TSPAN17: variants seen among roughly 807,000 people sequenced by gnomAD.
TSPAN17 encodes tetraspanin 17.
In TSPAN17, 33 loss-of-function variants were observed where a neutral mutation model predicts 40.5. The ratio of observed to expected loss-of-function variants is 0.81; its 90% CI spans 0.62 to 1.09. The LOEUF (loss-of-function observed/expected upper bound fraction) is 1.09. Ranked by LOEUF, TSPAN17 falls within the 50% of genes least tolerant of loss-of-function variation. The pLI, the probability that TSPAN17 is intolerant of heterozygous loss-of-function variation, is 0.00. For synonymous variants in TSPAN17, 166 were observed against 169.4 expected, an observed-to-expected ratio of 0.98 and a Z score of 0.15; for missense variants, 365 against 416.8, an observed-to-expected ratio of 0.88 and a Z score of 1.08.
chr5:176,652,519 C>G (rs1761008439), intron 3 of TSPAN17, among the ~76,000 whole-genome samples: 1 of 152,166 alleles, frequency 6.6e-6, no homozygotes, highest in Non-Finnish European at 1.5e-5. Context: ...TTTTCAGAGA[C>G]AGCAGGGTGT....
intron 5 of TSPAN17, among the ~76,000 whole-genome samples, 170 bp downstream of exon 5, chr5:176,655,190 GT>G (rs554009071): frequency 4.5e-4 from 69 of 152,320 alleles, no homozygotes; most frequent in Admixed American, 7.8e-4. Flanking sequence ...TGCTTTCCCT[GT>G]TCAGCAAGAC....
Position 176,651,988 on chromosome 5 carries a change from T to C in TSPAN17, c.285+88T>C. On this transcript the variant is annotated intron_variant, in intron 3 of 8. Transcript: ENST00000508164. This position sits in a 1 kb window ranked among gnomAD's most constrained non-coding sequence, Gnocchi z 4.5. ...CAGTTGGAGCTTAATGATGGGTAGC[T>C]TTATTATTATGCTATAATCGTCATC... 1 of 1,505,548 alleles carries C rather than the reference T, an allele frequency of 6.6e-7. No individual in the cohort carries two copies. Among genetic ancestry groups the C allele is most frequent in the South Asian group, 1.2e-5 (1 of 83,478 alleles). The allele number at this position is 1,505,548 out of a possible 1,614,324, so 93.3% of individuals were successfully genotyped here. A position where few individuals can be genotyped will look rare whatever the true frequency, so the allele number is the denominator to read the frequency against.
rs1326530603 is a variant in TSPAN17, at chr5:176,650,826, C to CGCCCAGGGACCT, written c.88-781_88-770dup. Among the ~76,000 whole-genome samples the CGCCCAGGGACCT allele has an allele frequency of 6.6e-6, 1 of 152,156 alleles. No individual in the cohort carries two copies. Among genetic ancestry groups the CGCCCAGGGACCT allele is most frequent in the African/African-American group, 2.4e-5 (1 of 41,450 alleles). ...CAGCCTTTCCCCCTCTGAGACTGCA[C>CGCCCAGGGACCT]GCCCAGGGACCTGCCCAGGGTCAGG... On this transcript the variant is annotated intron_variant, in intron 1 of 8. Coordinates refer to ENST00000508164, the MANE Select transcript of TSPAN17 (RefSeq NM_130465.5). This position sits in a 1 kb window ranked among gnomAD's most constrained non-coding sequence, Gnocchi z 4.0.
intron 3 of TSPAN17, among the ~76,000 whole-genome samples, chr5:176,652,219 C>A (rs1294798611): frequency 6.6e-6 from 1 of 152,224 alleles, no homozygotes; most frequent in Non-Finnish European, 1.5e-5. Context: ...CCCCGTTTGG[C>A]TCCATTCCCA....
rs1760989667 is a variant in TSPAN17 at position 176,652,039 on chromosome 5, C to T, written c.285+139C>T. The T allele has an allele frequency of 6.4e-6, 8 of 1,250,266 alleles. No homozygotes were observed. The South Asian group carries it at 1.2e-4, about 19-fold the overall frequency. The allele number at this position is 1,250,266 out of a possible 1,614,324, so 77.4% of individuals were successfully genotyped here. The stretch of plus-strand genomic sequence containing the variant: ...GTTAGATTCATGTTGTCTATATTTA[C>T]TAGGATCCTTTCCGTGGTATGGTAA... On this transcript the variant is annotated intron_variant, in intron 3 of 8. Coordinates refer to ENST00000508164, the MANE Select transcript of TSPAN17 (RefSeq NM_130465.5).
chr5:176,654,855 A>G lies in TSPAN17; in HGVS notation c.457-40A>G, dbSNP rs13183320. ...TCCCAAACAGGGTGAGGCTCCTGGGATGGGCCTGGCTCACCTGGGGCTCTC... is the reference window on the plus strand; with the variant it reads ...TCCCAAACAGGGTGAGGCTCCTGGGGTGGGCCTGGCTCACCTGGGGCTCTC... On this transcript the variant is annotated intron_variant, in intron 4 of 8. Transcript: ENST00000508164. The surrounding 1 kb of genome is among the most constrained non-coding windows in gnomAD (Gnocchi z 4.3). 0.82 allele frequency: 1,324,008 copies of G among 1,608,004 alleles called. 552,026 individuals carry two copies. Among genetic ancestry groups the G allele is most frequent in the Non-Finnish European group, 0.86 (1,015,598 of 1,177,004 alleles).
chr5:176,657,735 AAG>A lies in TSPAN17; in HGVS notation c.*39_*40del. The A allele has an allele frequency of 6.5e-7, 1 of 1,532,146 alleles. No homozygotes were observed. The highest frequency in any genetic ancestry group is 8.7e-7 in the Non-Finnish European group (1 of 1,144,034). 94.9% of individuals were successfully genotyped at this position (1,532,146 alleles called of 1,614,324 possible). A position where few individuals can be genotyped will look rare whatever the true frequency, so the allele number is the denominator to read the frequency against. ...AAGTCCAGATCCACAGCTTCTCTTG[AAG>A]AATGACCACCTGGCTACGCCGGCTC... On this transcript the variant is annotated 3_prime_UTR_variant, in exon 9 of 9. Coordinates refer to ENST00000508164, the MANE Select transcript of TSPAN17 (RefSeq NM_130465.5).
intron 8 of TSPAN17, 58 bp downstream of exon 8, chr5:176,657,014 C>T (rs1345562421): frequency 6.5e-7 from 1 of 1,549,566 alleles, no homozygotes; most frequent in East Asian, 2.3e-5. Context: ...CTGGGGGGCC[C>T]CCCAGGACCC....
In TSPAN17 at chr5:176,654,737, G is replaced by C; in HGVS notation, c.457-158G>C. ...CTCTGCCTCCACCAGCCTGGAGGTTGGGCCCAGGCCTGTGGGGGTGGGGAG... is the reference window on the plus strand; with the variant it reads ...CTCTGCCTCCACCAGCCTGGAGGTTCGGCCCAGGCCTGTGGGGGTGGGGAG... On this transcript the variant is annotated intron_variant, in intron 4 of 8. Coordinates refer to ENST00000508164, the MANE Select transcript of TSPAN17 (RefSeq NM_130465.5). This position sits in a 1 kb window ranked among gnomAD's most constrained non-coding sequence, Gnocchi z 4.3. 1.2e-6 allele frequency: 1 copy of C among 858,350 alleles called. No homozygotes were observed. Among genetic ancestry groups the C allele is most frequent in the South Asian group, 1.8e-5 (1 of 55,366 alleles). 53.2% of individuals were successfully genotyped at this position (858,350 alleles called of 1,614,324 possible).
In TSPAN17 at chr5:176,651,699, G is replaced by C. The variant is rs905725610; in HGVS notation, c.138+33G>C. On this transcript the variant is annotated intron_variant, in intron 2 of 8. Transcript: ENST00000508164. This position sits in a 1 kb window ranked among gnomAD's most constrained non-coding sequence, Gnocchi z 4.5. ...AGCGGGCGGGCGTGGAGCTGGTATGGGACGAGGTGGTGGGAAGGTCAGCTC... is the reference window on the plus strand; with the variant it reads ...AGCGGGCGGGCGTGGAGCTGGTATGCGACGAGGTGGTGGGAAGGTCAGCTC... 2 of 1,614,040 alleles carry C rather than the reference G, an allele frequency of 1.2e-6. No individual in the cohort carries two copies. The highest frequency in any genetic ancestry group is 3.3e-5 in the Admixed American group (2 of 60,020).
chr5:176,648,723 C>T (rs756425290), intron 1 of TSPAN17, among the ~76,000 whole-genome samples: 1 of 152,204 alleles, frequency 6.6e-6, no homozygotes, highest in Non-Finnish European at 1.5e-5. Context: ...GGCAAGTCAT[C>T]TCTCCTCTCC....
chr5:176,648,569 C>T (rs1760839130), intron 1 of TSPAN17, among the ~76,000 whole-genome samples: 1 of 152,364 alleles, frequency 6.6e-6, no homozygotes, highest in African/African-American at 2.4e-5. Flanking sequence ...GGCACTGCCC[C>T]CCACCCACGT....
In TSPAN17 at chr5:176,651,941, C is replaced by T. The variant is rs368574858; in HGVS notation, c.285+41C>T. The T allele has an allele frequency of 3.1e-6, 5 of 1,610,724 alleles. No homozygotes were observed. Among genetic ancestry groups the T allele is most frequent in the Non-Finnish European group, 4.2e-6 (5 of 1,178,906 alleles). On this transcript the variant is annotated intron_variant, in intron 3 of 8. Transcript: ENST00000508164. The surrounding 1 kb of genome is among the most constrained non-coding windows in gnomAD (Gnocchi z 4.5). ...AAGATCCCCTGGGAACCCCCATCTC[C>T]TCCCATCCAGTTCTTGCAATACAGT...
intron 8 of TSPAN17, chr5:176,657,267 G>C: frequency 1.5e-6 from 1 of 678,374 alleles, no homozygotes; most frequent in South Asian, 1.9e-5. Flanking sequence ...GCGCAGCTCA[G>C]AGGGTGCAGG....
chr5:176,648,067 G>A lies in TSPAN17; in HGVS notation c.87+365G>A, dbSNP rs1258549750. Reference sequence around the variant, plus strand: ...CCCTGGGATGTGGGATGCGTGCCAAGCCCCACCCCTGGTTTAGCCGGTAAG... The same window carrying A: ...CCCTGGGATGTGGGATGCGTGCCAAACCCCACCCCTGGTTTAGCCGGTAAG... On this transcript the variant is annotated intron_variant, in intron 1 of 8. Coordinates refer to ENST00000508164, the MANE Select transcript of TSPAN17 (RefSeq NM_130465.5). Among the ~76,000 whole-genome samples, 4 of 152,324 alleles carry A rather than the reference G, an allele frequency of 2.6e-5. No individual in the cohort carries two copies. In the East Asian group the frequency reaches 7.7e-4, roughly 29 times the overall value.
At chr5:176,648,109 G>A (rs948568533) in intron 1 of TSPAN17, among the ~76,000 whole-genome samples, 3 of 152,192 alleles carry the variant, frequency 2.0e-5, no homozygotes, top group Non-Finnish European at 4.4e-5. Flanking sequence ...CTGGCGTGAA[G>A]GGAGCCGCCA....
Position 176,657,910 on chromosome 5 carries a change from G to T in TSPAN17, c.*212G>T, listed in dbSNP as rs1046617040. 7.5e-6 allele frequency: 6 copies of T among 803,310 alleles called. No homozygotes were observed. The highest frequency in any genetic ancestry group is 2.4e-5 in the South Asian group (1 of 41,096). 49.8% of individuals were successfully genotyped at this position (803,310 alleles called of 1,614,324 possible). A position where few individuals can be genotyped will look rare whatever the true frequency, so the allele number is the denominator to read the frequency against. ...GGGTTATTCCCTGCACCTCGAGGCC[G>T]CTGCGGGCCAATCTGGAGTGAAACA... On this transcript the variant is annotated 3_prime_UTR_variant, in exon 9 of 9. Coordinates refer to ENST00000508164, the MANE Select transcript of TSPAN17 (RefSeq NM_130465.5).
intron 6 of TSPAN17, 111 bp downstream of exon 6, chr5:176,656,236 G>A (rs879146328): frequency 8.2e-7 from 1 of 1,222,704 alleles, no homozygotes; most frequent in Non-Finnish European, 1.2e-6. Context: ...GGGAGAGGGT[G>A]CTGAGTCCCA....
intron 6 of TSPAN17, 152 bp downstream of exon 6, chr5:176,656,277 G>A (rs1761154681): frequency 2.5e-6 from 2 of 812,638 alleles, no homozygotes; most frequent in Non-Finnish European, 2.0e-6. Flanking sequence ...GCAGCGGAGG[G>A]GGAGTAGACC....
Sources: allele counts gnomAD v4.1 joint callset (sites outside exome capture counted in the v4.1 genomes callset), GRCh38; gene constraint gnomAD v4.1.1; non-coding constraint Gnocchi (gnomAD v3.1); transcripts MANE v1.5; gene names NCBI Gene and HGNC (gene_info 2026-07-23, HGNC 2026-07-21).